The following ATAD2B variants were observed in gnomAD, a reference collection of about 807,000 sequenced individuals.
The protein encoded by ATAD2B is ATPase family AAA domain-containing protein 2B.
In ATAD2B, 40 loss-of-function variants were observed where a neutral mutation model predicts 167.6. The ratio of observed to expected loss-of-function variants is 0.24; its 90% CI spans 0.19 to 0.31. ATAD2B has a LOEUF of 0.31. ATAD2B is among the 10% of genes least tolerant of loss of function. The pLI is 1.00. For missense variants in ATAD2B, 1,242 were observed against 1,757.2 expected, an observed-to-expected ratio of 0.71 and a Z score of 5.24; for synonymous variants, 579 against 596.5, an observed-to-expected ratio of 0.97 and a Z score of 0.43.
intron 1 of ATAD2B, among the ~76,000 whole-genome samples, chr2:23,922,935 G>A (rs2150708893): frequency 6.6e-6 from 1 of 152,224 alleles, no homozygotes; most frequent in East Asian, 1.9e-4. Flanking sequence ...AGCCACTATG[G>A]AAAACAGTAT....
chr2:23,789,039 G>C (rs1476690539), intron 19 of ATAD2B, among the ~76,000 whole-genome samples: 3 of 150,548 alleles, frequency 2.0e-5, no homozygotes, highest in African/African-American at 7.3e-5. Flanking sequence ...TCTTATCCTC[G>C]TATTTCTTTG....
At chr2:23,743,260 G>A in the ATAD2B span, among the ~76,000 whole-genome samples, 1 of 152,126 alleles carries the variant, frequency 6.6e-6, no homozygotes, top group African/African-American at 2.4e-5. Context: ...TACCTTACAT[G>A]TTTGGTGATA....
intron 25 of ATAD2B, chr2:23,755,061 C>T (rs530709221): frequency 4.9e-6 from 1 of 202,776 alleles, no homozygotes; most frequent in Non-Finnish European, 1.0e-5. Context: ...ATCTTCACCT[C>T]TAAGCACTGA....
At chr2:23,807,872 T>C (rs1684724860) in intron 18 of ATAD2B, among the ~76,000 whole-genome samples, 1 of 135,616 alleles carries the variant, frequency 7.4e-6, no homozygotes, top group Admixed American at 8.1e-5. Context: ...ATACATTTTA[T>C]ATATAAAAAA....
chr2:23,818,143 G>GAT (rs1686809104), intron 17 of ATAD2B, among the ~76,000 whole-genome samples: 1 of 131,662 alleles, frequency 7.6e-6, no homozygotes, highest in Non-Finnish European at 1.6e-5. Context: ...CACACACACA[G>GAT]AGAGAGAGAA....
chr2:23,833,483 C>A (rs1482116793), intron 14 of ATAD2B, among the ~76,000 whole-genome samples: 1 of 151,980 alleles, frequency 6.6e-6, no homozygotes, highest in Non-Finnish European at 1.5e-5. Flanking sequence ...AACTTTATAC[C>A]ATAATGAATA....
At chr2:23,734,964 T>C in the ATAD2B span, among the ~76,000 whole-genome samples, 1 of 152,232 alleles carries the variant, frequency 6.6e-6, no homozygotes, top group Non-Finnish European at 1.5e-5. Flanking sequence ...GTGTCTATCA[T>C]ACTTGGCAAA....
chr2:23,710,985 CTGGCTGCGTGAAGCCTTCACATT>C, the ATAD2B span, among the ~76,000 whole-genome samples: 5 of 152,188 alleles, frequency 3.3e-5, no homozygotes, highest in Non-Finnish European at 7.3e-5. Flanking sequence ...GTGCTAAGCA[CTGGCTGCGTGAAGCCTTCACATT>C]TCCGTGAGAC....
the ATAD2B span, among the ~76,000 whole-genome samples, chr2:23,737,749 C>T: frequency 2.0e-5 from 3 of 152,010 alleles, no homozygotes; most frequent in South Asian, 2.1e-4. Flanking sequence ...CAAACTACTC[C>T]GAGCTACAGG....
intron 22 of ATAD2B, among the ~76,000 whole-genome samples, chr2:23,766,573 C>T (rs1677440361): frequency 6.6e-6 from 1 of 152,204 alleles, no homozygotes; most frequent in South Asian, 2.1e-4. Flanking sequence ...AACACATTTT[C>T]TCTAAACATT....
At chr2:23,873,406 C>T (rs141234082) in intron 8 of ATAD2B, among the ~76,000 whole-genome samples, 2 of 152,292 alleles carry the variant, frequency 1.3e-5, no homozygotes, top group East Asian at 1.9e-4. Context: ...AGGACCCTTG[C>T]GAATACCAAA....
chr2:23,853,466 T>C (rs567284101), intron 13 of ATAD2B, among the ~76,000 whole-genome samples: 1 of 152,124 alleles, frequency 6.6e-6, no homozygotes, highest in Admixed American at 6.5e-5. Flanking sequence ...TCCATTCACA[T>C]TAAATGAACA....
intron 19 of ATAD2B, among the ~76,000 whole-genome samples, chr2:23,792,990 A>AAAAAAAAAAAT (rs1682041894): frequency 6.7e-6 from 1 of 148,950 alleles, no homozygotes; most frequent in Non-Finnish European, 1.5e-5. Flanking sequence ...AAAAAAAAAA[A>AAAAAAAAAAAT]CTTGAGAAGA....
chr2:23,743,589 G>C, the ATAD2B span, among the ~76,000 whole-genome samples: 8 of 151,344 alleles, frequency 5.3e-5, no homozygotes, highest in Non-Finnish European at 7.4e-5. Context: ...GAGAGAGAGA[G>C]TTGGATTGCT....
intron 15 of ATAD2B, among the ~76,000 whole-genome samples, chr2:23,826,359 C>T (rs547207915): frequency 5.3e-5 from 8 of 152,268 alleles, no homozygotes; most frequent in African/African-American, 1.9e-4. Context: ...ACTCTCAAAG[C>T]GTCCTTGTTT....
intron 16 of ATAD2B, among the ~76,000 whole-genome samples, chr2:23,822,820 A>AG (rs1687656708): frequency 6.9e-6 from 1 of 145,082 alleles, no homozygotes; most frequent in South Asian, 2.3e-4. Flanking sequence ...CAGGAGGCTG[A>AG]GGCAGGAGAA....
chr2:23,878,139 T>A (rs1697311119), intron 7 of ATAD2B, among the ~76,000 whole-genome samples: 4 of 151,276 alleles, frequency 2.6e-5, no homozygotes, highest in African/African-American at 7.3e-5. Flanking sequence ...CATGTGTGGA[T>A]CACCTAAGGA....
chr2:23,682,389 C>T, the ATAD2B span, among the ~76,000 whole-genome samples: 2 of 152,156 alleles, frequency 1.3e-5, no homozygotes, highest in Admixed American at 1.3e-4. This position sits in a 1 kb window ranked among gnomAD's most constrained non-coding sequence, Gnocchi z 4.1. Context: ...TGCAGGTTCA[C>T]CCTCAGGTCT....
At chr2:23,755,963 T>C (rs1337075508) in intron 25 of ATAD2B, among the ~76,000 whole-genome samples, 1 of 152,144 alleles carries the variant, frequency 6.6e-6, no homozygotes, top group Non-Finnish European at 1.5e-5. Flanking sequence ...TAATTCCAAA[T>C]GAAAGCTTCA....
Sources: gnomAD v4.1 joint callset for allele counts (sites outside exome capture counted in the v4.1 genomes callset) on GRCh38, gnomAD v4.1.1 for gene constraint, Gnocchi (gnomAD v3.1) non-coding constraint, MANE v1.5 for transcripts, NCBI Gene and HGNC (gene_info 2026-07-23, HGNC 2026-07-21) for gene names.